The following ADHFE1 variants were observed in gnomAD, a reference collection of about 807,000 sequenced individuals.
The protein encoded by ADHFE1 is alcohol dehydrogenase iron containing 1.
In ADHFE1, 37 loss-of-function variants were observed where a neutral mutation model predicts 54.8. The ratio of observed to expected loss-of-function variants is 0.68; its 90% CI spans 0.52 to 0.89. The LOEUF is 0.89. Among genes scored for constraint, ADHFE1 ranks in the 40% least tolerant of loss-of-function variants. The probability of loss-of-function intolerance (pLI) is 0.00; values close to 1 mark genes in which losing one functional copy is unlikely to be tolerated. For synonymous variants in ADHFE1, 203 were observed against 229.3 expected (o/e 0.89, Z 1.04); for missense variants, 601 against 591.2 (o/e 1.02, Z -0.17).
chr8:66,456,934 A>T, intron 11 of ADHFE1, 39 bp downstream of exon 11: 1 of 1,450,138 alleles, frequency 6.9e-7, no homozygotes, highest in East Asian at 2.4e-5. Context: ...TAAATATTAT[A>T]ATCATCCCAA....
intron 1 of ADHFE1, 75 bp from the exon 2 acceptor site, chr8:66,440,087 T>C: frequency 1.3e-5 from 18 of 1,427,706 alleles, no homozygotes; most frequent in Non-Finnish European, 1.7e-5. Context: ...CAATGTGAGT[T>C]AGCTTAAGGC....
At chr8:66,435,129 T>TGA (rs1805397832) in intron 1 of ADHFE1, among the ~76,000 whole-genome samples, 1 of 152,128 alleles carries the variant, frequency 6.6e-6, no homozygotes, top group African/African-American at 2.4e-5. Context: ...CATTAGCTGT[T>TGA]GAAAGTTATT....
rs761723458 is a variant in ADHFE1, at chr8:66,454,010, G to C, written c.888-49G>C. On this transcript the variant is annotated intron_variant, in intron 9 of 13. Transcript: ENST00000396623. ...CCTAAGGCAGCTCCTTATTCTGTAGGAATTGCCAATGTTGATGTGTTATTG... is the reference window on the plus strand; with the variant it reads ...CCTAAGGCAGCTCCTTATTCTGTAGCAATTGCCAATGTTGATGTGTTATTG... 1.9e-6 allele frequency: 3 copies of C among 1,600,786 alleles called. No individual in the cohort carries two copies. The Admixed American group carries it at 5.1e-5, about 27-fold the overall frequency.
At chr8:66,440,324 C>T (rs1480556500) in intron 2 of ADHFE1, 125 bp downstream of exon 2, 1 of 843,384 alleles carries the variant, frequency 1.2e-6, no homozygotes, top group Non-Finnish European at 1.9e-6. Context: ...AAAACAGTTA[C>T]CATTTCACTG....
chr8:66,457,255 C>A, intron 12 of ADHFE1, 89 bp downstream of exon 12: 2 of 1,242,196 alleles, frequency 1.6e-6, no homozygotes, highest in Non-Finnish European at 2.3e-6. Flanking sequence ...AAGTTGGGTG[C>A]ATCACTTGAG....
intron 13 of ADHFE1, among the ~76,000 whole-genome samples, chr8:66,467,988 A>G (rs1807289270): frequency 6.6e-6 from 1 of 152,144 alleles, no homozygotes; most frequent in Admixed American, 6.6e-5. Flanking sequence ...TTTTGTCATG[A>G]TAAGGGTGTT....
chr8:66,437,243 T>C (rs1805510785), intron 1 of ADHFE1, among the ~76,000 whole-genome samples: 3 of 152,102 alleles, frequency 2.0e-5, no homozygotes, highest in African/African-American at 7.2e-5. Flanking sequence ...GGATAATGTC[T>C]AATAGGGAGG....
chr8:66,461,963 A>T (rs909019878), intron 13 of ADHFE1, among the ~76,000 whole-genome samples: 2 of 151,694 alleles, frequency 1.3e-5, no homozygotes, highest in South Asian at 4.2e-4. Flanking sequence ...GGACCAAATC[A>T]CTAAAAAAAT....
chr8:66,449,101 C>T (rs1806173397), intron 8 of ADHFE1, 131 bp downstream of exon 8: 2 of 728,816 alleles, frequency 2.7e-6, no homozygotes, highest in Admixed American at 5.6e-5. Context: ...CTGTCATTAC[C>T]CCCTGTCCTA....
intron 7 of ADHFE1, 82 bp from the exon 8 acceptor site, chr8:66,448,779 TAGGG>T: frequency 8.6e-7 from 1 of 1,163,940 alleles, no homozygotes. Flanking sequence ...TTTTTATTTT[TAGGG>T]TGATTTATTA....
At position 66,445,418 on chromosome 8, in the gene ADHFE1, A is replaced by T. The variant is rs183584961; in HGVS notation, c.550+4A>T. 5 of 1,596,802 alleles carry T rather than the reference A, an allele frequency of 3.1e-6. No homozygotes were observed. The East Asian group carries it at 9.0e-5, about 29-fold the overall frequency. On this transcript the variant is annotated splice_donor_region_variant and intron_variant, in intron 6 of 13. Coordinates refer to ENST00000396623, the MANE Select transcript of ADHFE1 (RefSeq NM_144650.3). Reference sequence around the variant, plus strand: ...CCTCTTAAGCCTCTGATTGCAGGTAAAGACTGTTTATTTCTTTGTTTGTTT... The same window carrying T: ...CCTCTTAAGCCTCTGATTGCAGGTATAGACTGTTTATTTCTTTGTTTGTTT...
rs772229706 is a variant in ADHFE1, at chr8:66,460,451, G to A, written c.1306G>A (p.Gly436Arg). 15 of 1,588,044 alleles carry A rather than the reference G, an allele frequency of 9.4e-6. No individual in the cohort carries two copies. The highest frequency in any genetic ancestry group is 5.1e-5 in the Admixed American group (3 of 58,652). The stretch of plus-strand genomic sequence containing the variant: ...AGCTGATATCCCCGCACTAGTGAAA[G>A]GAACGCTGCCCCAGGTAAGAGACCG... ...SKADIPALVK[G>R]TLPQERVTKL... Residue 436 changes from glycine to arginine, a missense_variant, in exon 13 of 14, where the codon GGA becomes AGA. Transcript: ENST00000396623.
At chr8:66,445,929 C>T (rs147844147) in intron 6 of ADHFE1, among the ~76,000 whole-genome samples, 4 of 152,338 alleles carry the variant, frequency 2.6e-5, no homozygotes, top group East Asian at 1.9e-4. Flanking sequence ...AGGGCACAGA[C>T]GTACAAATCC....
At chr8:66,455,078 A>G (rs2130444565) in intron 10 of ADHFE1, among the ~76,000 whole-genome samples, 1 of 152,324 alleles carries the variant, frequency 6.6e-6, no homozygotes, top group Non-Finnish European at 1.5e-5. Context: ...ATCATAGAAT[A>G]TGTGGTCTTT....
chr8:66,465,220 T>C (rs1807106462), intron 13 of ADHFE1, among the ~76,000 whole-genome samples: 1 of 152,172 alleles, frequency 6.6e-6, no homozygotes, highest in Non-Finnish European at 1.5e-5. Context: ...TTCAATTCTT[T>C]GGGGTATATA....
intron 5 of ADHFE1, 97 bp downstream of exon 5, chr8:66,444,845 A>G (rs1586451473): frequency 6.9e-7 from 1 of 1,445,738 alleles, no homozygotes; most frequent in East Asian, 2.3e-5. Context: ...TCACGCCTGT[A>G]ATCCCAGCAC....
chr8:66,456,783 G>A (rs1806610581), intron 10 of ADHFE1, 34 bp from the exon 11 acceptor site: 1 of 1,515,802 alleles, frequency 6.6e-7, no homozygotes. Flanking sequence ...TTTGATAACT[G>A]TGTATGAACA....
intron 10 of ADHFE1, among the ~76,000 whole-genome samples, chr8:66,456,599 T>C (rs184427896): frequency 2.0e-5 from 3 of 152,350 alleles, no homozygotes; most frequent in Admixed American, 6.5e-5. Flanking sequence ...TCTATGAGCA[T>C]TTGAATTTGA....
At chr8:66,448,798 G>T in intron 7 of ADHFE1, 67 bp from the exon 8 acceptor site, 1 of 1,345,002 alleles carries the variant, frequency 7.4e-7, no homozygotes. Flanking sequence ...TTATTATCCT[G>T]AAGTCATTTT....
Sources: gnomAD v4.1 joint callset for allele counts (sites outside exome capture counted in the v4.1 genomes callset) on GRCh38, gnomAD v4.1.1 for gene constraint, MANE v1.5 for transcripts, NCBI Gene and HGNC (gene_info 2026-07-23, HGNC 2026-07-21) for gene names.